TRIM5: variants seen among roughly 807,000 people sequenced by gnomAD.
The protein encoded by TRIM5 is tripartite motif containing 5.
TRIM5 carries 31 observed loss-of-function variants against 35.6 expected under a neutral mutation model. The observed-to-expected ratio is 0.87, with a 90% confidence interval of 0.65 to 1.18. The LOEUF is 1.18. TRIM5 is among the 50% of genes most tolerant of loss of function. The probability of loss-of-function intolerance (pLI) is 0.00; values close to 1 mark genes in which losing one functional copy is unlikely to be tolerated. For missense variants in TRIM5, 609 were observed against 591.6 expected, an observed-to-expected ratio of 1.03 and a Z score of -0.31; for synonymous variants, 243 against 215.6, an observed-to-expected ratio of 1.13 and a Z score of -1.11.
chr11:5,603,725 A>G, the TRIM5 span: 3 of 1,613,464 alleles, frequency 1.9e-6, no homozygotes, highest in African/African-American at 1.3e-5. Flanking sequence ...GAGGTTGCCC[A>G]GGAGTACCAG....
At chr11:5,631,943 G>A in the TRIM5 span, among the ~76,000 whole-genome samples, 2 of 152,182 alleles carry the variant, frequency 1.3e-5, no homozygotes, top group Admixed American at 1.3e-4. Context: ...TGATGAGTTT[G>A]TGGTTGTGCT....
In TRIM5 at chr11:5,670,346, T is replaced by C. The variant is rs539492047; in HGVS notation, c.745-2635A>G. 7.8e-3 allele frequency among the ~76,000 whole-genome samples: 1,179 copies of C among 150,412 alleles called. 16 individuals are homozygous for C. Among genetic ancestry groups the C allele is most frequent in the African/African-American group, 0.028 (1,136 of 41,190 alleles). On this transcript the variant is annotated intron_variant, in intron 4 of 7. Transcript: ENST00000380034. ...GCTCCCACCACCACACCCAGCTAAT[T>C]TTTTTTTCTTTTGTATTTTTAGTAG...
chr11:5,662,568 C>T (rs139082720), downstream of TRIM5, among the ~76,000 whole-genome samples: 9 of 152,200 alleles, frequency 5.9e-5, no homozygotes, highest in East Asian at 1.5e-3. Flanking sequence ...TACTACTTGG[C>T]AAACAGGAAA....
chr11:5,663,736 T>C lies in TRIM5; in HGVS notation c.*1073A>G, dbSNP rs547772933. 30 of 248,904 alleles carry C rather than the reference T, an allele frequency of 1.2e-4. No homozygotes were observed. Among genetic ancestry groups the C allele is most frequent in the African/African-American group, 6.2e-4 (27 of 43,412 alleles). 15.4% of individuals were successfully genotyped at this position (248,904 alleles called of 1,614,324 possible). A position where few individuals can be genotyped will look rare whatever the true frequency, so the allele number is the denominator to read the frequency against. ...TAACCGAACCAGGGTAATTAGCATA[T>C]CCATCACCTCAAATATGTGTCATTT... On this transcript the variant is annotated 3_prime_UTR_variant, in exon 8 of 8. Transcript: ENST00000380034.
intron 7 of TRIM5, 72 bp from the exon 8 acceptor site, chr11:5,665,467 A>G (rs1304918660): frequency 6.5e-7 from 1 of 1,543,698 alleles, no homozygotes; most frequent in South Asian, 1.3e-5. Flanking sequence ...AAATCTTGAT[A>G]AAGACTTGAG....
intron 5 of TRIM5, among the ~76,000 whole-genome samples, chr11:5,666,586 C>A (rs1851158845): frequency 6.6e-6 from 1 of 152,152 alleles, no homozygotes; most frequent in Non-Finnish European, 1.5e-5. Context: ...CTAAGACCTT[C>A]AAAGCTATTC....
At chr11:5,670,155 G>A (rs1169379640) in intron 4 of TRIM5, among the ~76,000 whole-genome samples, 1 of 147,972 alleles carries the variant, frequency 6.8e-6, no homozygotes, top group Non-Finnish European at 1.5e-5. Flanking sequence ...TGTCTGTGTT[G>A]GATCAGATGC....
chr11:5,634,530 CATAT>C, the TRIM5 span: 470 of 260,522 alleles, frequency 1.8e-3, 1 homozygote, highest in African/African-American at 7.8e-3. Flanking sequence ...CACACACACA[CATAT>C]ATATATATAT....
At chr11:5,669,922 C>G (rs1015830622) in intron 4 of TRIM5, 1 of 191,116 alleles carries the variant, frequency 5.2e-6, no homozygotes, top group Non-Finnish European at 1.2e-5. Flanking sequence ...TTGCAGTTAT[C>G]CAAGATCACA....
At chr11:5,610,846 G>A in the TRIM5 span, 2 of 1,614,204 alleles carry the variant, frequency 1.2e-6, no homozygotes, top group Non-Finnish European at 1.7e-6. Flanking sequence ...AGACAAGTGA[G>A]GTTTGTGGGA....
the TRIM5 span, among the ~76,000 whole-genome samples, chr11:5,601,097 C>A: frequency 6.6e-6 from 1 of 152,162 alleles, no homozygotes; most frequent in East Asian, 1.9e-4. Flanking sequence ...CATATGGACC[C>A]CCTTAGGATC....
the TRIM5 span, among the ~76,000 whole-genome samples, chr11:5,653,043 G>A: frequency 1.0e-3 from 158 of 151,994 alleles, 2 homozygotes; most frequent in South Asian, 0.031. Context: ...TGGTAGAGAC[G>A]AGATTTCACC....
chr11:5,639,635 G>A, the TRIM5 span, among the ~76,000 whole-genome samples: 8 of 123,242 alleles, frequency 6.5e-5, no homozygotes, highest in South Asian at 1.6e-3. Context: ...AGCCAAGTTC[G>A]CACCACTGCA....
chr11:5,667,804 G>A (rs572393317), intron 4 of TRIM5, 93 bp from the exon 5 acceptor site: 15 of 1,384,126 alleles, frequency 1.1e-5, no homozygotes, highest in Middle Eastern at 1.8e-4. Context: ...CTAATGTGCT[G>A]AGAATGGAGA....
At chr11:5,642,346 G>T in the TRIM5 span, 1 of 1,478,164 alleles carries the variant, frequency 6.8e-7, no homozygotes, top group South Asian at 1.2e-5. Flanking sequence ...AACCAGTGAT[G>T]TGGGAGGGAT....
At chr11:5,603,219 C>G in the TRIM5 span, 1 of 1,600,786 alleles carries the variant, frequency 6.2e-7, no homozygotes, top group Admixed American at 1.7e-5. Flanking sequence ...TTACCCTGAT[C>G]CTTTTTTTGT....
chr11:5,682,306 T>G (rs1852537055), intron 1 of TRIM5, among the ~76,000 whole-genome samples: 1 of 152,056 alleles, frequency 6.6e-6, no homozygotes, highest in Non-Finnish European at 1.5e-5. Flanking sequence ...GGGTATTCTT[T>G]CCACATGCTT....
chr11:5,674,475 C>T (rs1182584882), intron 4 of TRIM5, among the ~76,000 whole-genome samples: 1 of 152,196 alleles, frequency 6.6e-6, no homozygotes, highest in Non-Finnish European at 1.5e-5. Context: ...GTGAGAGGTA[C>T]CCTCCACAAG....
chr11:5,677,354 T>C (rs991102191), intron 4 of TRIM5, among the ~76,000 whole-genome samples: 52 of 152,090 alleles, frequency 3.4e-4, no homozygotes, highest in African/African-American at 1.1e-3. Flanking sequence ...CATGAAAAAA[T>C]GCTCATCATC....
Sources: gnomAD v4.1 joint callset for allele counts (sites outside exome capture counted in the v4.1 genomes callset) on GRCh38, gnomAD v4.1.1 for gene constraint, MANE v1.5 for transcripts, NCBI Gene and HGNC (gene_info 2026-07-23, HGNC 2026-07-21) for gene names.